Variants in CDH18 observed in about 807,000 individuals in gnomAD.
The protein encoded by CDH18 is cadherin 18.
Under a neutral mutation model 67.9 loss-of-function variants are expected in CDH18, and 31 were observed. That is an observed-to-expected ratio of 0.46 (90% CI 0.34 to 0.62). The LOEUF is 0.62. Among genes scored for constraint, CDH18 ranks in the 20% least tolerant of loss-of-function variants. CDH18 has a pLI of 0.01. For missense variants in CDH18, 890 were observed against 975.5 expected, an observed-to-expected ratio of 0.91 and a Z score of 1.17; for synonymous variants, 362 against 347.2, an observed-to-expected ratio of 1.04 and a Z score of -0.48.
chr5:20,350,531 C>T (rs561624880), intron 1 of CDH18, among the ~76,000 whole-genome samples: 2 of 152,210 alleles, frequency 1.3e-5, no homozygotes, highest in Admixed American at 6.5e-5. Flanking sequence ...TGTTAAACTA[C>T]CATCCCCAGC....
intron 1 of CDH18, among the ~76,000 whole-genome samples, chr5:20,564,370 C>G (rs1758387332): frequency 6.6e-6 from 1 of 151,716 alleles, no homozygotes; most frequent in South Asian, 2.1e-4. Flanking sequence ...CTCCACCTCC[C>G]AGGTTCAAGC....
At chr5:20,153,498 T>C (rs1347922469) in intron 2 of CDH18, among the ~76,000 whole-genome samples, 1 of 152,178 alleles carries the variant, frequency 6.6e-6, no homozygotes, top group Non-Finnish European at 1.5e-5. Context: ...CAAACAAAGA[T>C]AAACTAGTGA....
At chr5:20,363,587 C>T (rs1156859101) in intron 1 of CDH18, among the ~76,000 whole-genome samples, 1 of 152,008 alleles carries the variant, frequency 6.6e-6, no homozygotes, top group Non-Finnish European at 1.5e-5. Flanking sequence ...TTTACTCCCC[C>T]TGCTTCTTAG....
chr5:20,101,370 A>G (rs1361886603), intron 2 of CDH18, among the ~76,000 whole-genome samples: 1 of 152,218 alleles, frequency 6.6e-6, no homozygotes, highest in African/African-American at 2.4e-5. Flanking sequence ...GAAAAGTCTC[A>G]TAGACAGTGA....
chr5:19,877,372 C>G (rs1391768717), intron 2 of CDH18, among the ~76,000 whole-genome samples: 4 of 152,026 alleles, frequency 2.6e-5, no homozygotes, highest in African/African-American at 9.7e-5. Flanking sequence ...TTGAGCAATT[C>G]TAATTTGGGG....
intron 7 of CDH18, among the ~76,000 whole-genome samples, chr5:19,575,016 G>C (rs1171188281): frequency 6.6e-6 from 1 of 152,148 alleles, no homozygotes; most frequent in Non-Finnish European, 1.5e-5. Flanking sequence ...TCCAGCCTGG[G>C]TGACAGAGTC....
chr5:19,857,969 T>C (rs973741195), intron 2 of CDH18, among the ~76,000 whole-genome samples: 1 of 152,206 alleles, frequency 6.6e-6, no homozygotes, highest in Non-Finnish European at 1.5e-5. Context: ...GTATGATATT[T>C]AGGTTAGTAT....
intron 5 of CDH18, among the ~76,000 whole-genome samples, chr5:19,672,716 C>T (rs1233584863): frequency 1.3e-5 from 2 of 151,910 alleles, no homozygotes; most frequent in Admixed American, 1.3e-4. Context: ...ATAATAACAA[C>T]AGTATAAGTA....
chr5:19,702,149 T>TC lies in CDH18; in HGVS notation c.643+19197_643+19198insG, dbSNP rs1491506187. 0.014 allele frequency among the ~76,000 whole-genome samples: 37 copies of TC among 2,598 alleles called. No individual in the cohort carries two copies. In the East Asian group the frequency reaches 0.32, roughly 22 times the overall value. The allele number at this position is 2,598 out of a possible 152,430, so 1.7% of individuals were successfully genotyped here. ...AGTGTTCTTTCTTTCTTTCTCTCTCTTTTTTTTTTTTTTTTTTGAGATGGA... is the reference window on the plus strand; with the variant it reads ...AGTGTTCTTTCTTTCTTTCTCTCTCTCTTTTTTTTTTTTTTTTTGAGATGGA... On this transcript the variant is annotated intron_variant, in intron 5 of 12. Transcript: ENST00000382275.
In CDH18 at chr5:19,960,602, TAC is replaced by T. The variant is rs1211297890; in HGVS notation, c.-257+20456_-257+20457del. Among the ~76,000 whole-genome samples, 7 of 129,628 alleles carry T rather than the reference TAC, an allele frequency of 5.4e-5. No homozygotes were observed. The South Asian group carries it at 9.0e-4, about 17-fold the overall frequency. The allele number at this position is 129,628 out of a possible 152,430, so 85.0% of individuals were successfully genotyped here. A position where few individuals can be genotyped will look rare whatever the true frequency, so the allele number is the denominator to read the frequency against. Reference sequence around the variant, plus strand: ...GTGTGTGTGTGTGTATATATATATATACACACACGTGTATATATATACACGTG... The same window carrying T: ...GTGTGTGTGTGTGTATATATATATATACACACGTGTATATATATACACGTG... On this transcript the variant is annotated intron_variant, in intron 2 of 12. Transcript: ENST00000382275.
At chr5:19,503,906 C>CTTCA (rs1422182751) in intron 10 of CDH18, among the ~76,000 whole-genome samples, 27 of 152,028 alleles carry the variant, frequency 1.8e-4, no homozygotes, top group African/African-American at 6.0e-4. Context: ...GCTTAGGTGT[C>CTTCA]TTCATTCAAC....
intron 2 of CDH18, among the ~76,000 whole-genome samples, chr5:20,220,338 C>T (rs977861692): frequency 6.6e-6 from 1 of 151,904 alleles, no homozygotes; most frequent in East Asian, 1.9e-4. Flanking sequence ...CTACAATAAA[C>T]TTATTTTTGA....
intron 1 of CDH18, among the ~76,000 whole-genome samples, chr5:20,456,205 A>C: frequency 6.6e-6 from 1 of 152,104 alleles, no homozygotes; most frequent in East Asian, 1.9e-4. Context: ...TATTTGCATA[A>C]TTTTGGAGAT....
intron 3 of CDH18, among the ~76,000 whole-genome samples, chr5:19,838,353 T>C (rs1781901373): frequency 6.6e-6 from 1 of 152,172 alleles, no homozygotes; most frequent in Admixed American, 6.5e-5. Flanking sequence ...TAGCCACATG[T>C]GCAGGAGCAA....
At chr5:20,251,195 T>TGCTG (rs1408558684) in intron 2 of CDH18, among the ~76,000 whole-genome samples, 7 of 152,138 alleles carry the variant, frequency 4.6e-5, no homozygotes, top group Non-Finnish European at 8.8e-5. Flanking sequence ...TTAGGGATGG[T>TGCTG]GCTGTAAAAT....
chr5:20,138,001 G>A (rs1749884515), intron 2 of CDH18, among the ~76,000 whole-genome samples: 1 of 151,892 alleles, frequency 6.6e-6, no homozygotes, highest in African/African-American at 2.4e-5. Context: ...GCCTTGCAGA[G>A]ACACAACAAA....
chr5:20,452,822 A>C (rs1750555070), intron 1 of CDH18, among the ~76,000 whole-genome samples: 1 of 152,130 alleles, frequency 6.6e-6, no homozygotes, highest in South Asian at 2.1e-4. Flanking sequence ...TGAGAATTAA[A>C]ATGCATTGGA....
chr5:20,032,549 A>G (rs1739496228), intron 2 of CDH18, among the ~76,000 whole-genome samples: 1 of 152,048 alleles, frequency 6.6e-6, no homozygotes, highest in Non-Finnish European at 1.5e-5. Flanking sequence ...CTCGAATCTT[A>G]TCATTTTGCT....
chr5:20,569,512 G>C (rs187472372), intron 1 of CDH18, among the ~76,000 whole-genome samples: 13 of 152,228 alleles, frequency 8.5e-5, no homozygotes, highest in Non-Finnish European at 1.2e-4. Context: ...TTGGGAGGCT[G>C]AGGCAGGAGA....
Sources: gnomAD v4.1 joint callset for allele counts (sites outside exome capture counted in the v4.1 genomes callset) on GRCh38, gnomAD v4.1.1 for gene constraint, MANE v1.5 for transcripts, NCBI Gene and HGNC (gene_info 2026-07-23, HGNC 2026-07-21) for gene names.